Variants in INSR observed in about 807,000 individuals in gnomAD.
The protein encoded by INSR is IR.
In INSR, 67 loss-of-function variants were observed where a neutral mutation model predicts 142.6. That is an observed-to-expected ratio of 0.47 (90% confidence interval 0.39 to 0.58). INSR has a LOEUF of 0.58. Among genes scored for constraint, INSR ranks in the 20% least tolerant of loss-of-function variants. The pLI, the probability that INSR is intolerant of heterozygous loss-of-function variation, is 0.00. For missense variants in INSR, 1,248 were observed against 1,833.2 expected, an observed-to-expected ratio of 0.68 and a Z score of 5.83; for synonymous variants, 756 against 743.1, an observed-to-expected ratio of 1.02 and a Z score of -0.28.
rs558070783 is a variant in INSR at position 7,279,633 on chromosome 19, C to T, written c.101-11737G>A. Among the ~76,000 whole-genome samples, 21 of 151,578 alleles carry T rather than the reference C, an allele frequency of 1.4e-4. No individual in the cohort carries two copies. In the East Asian group the frequency reaches 2.5e-3, roughly 18 times the overall value. On this transcript the variant is annotated intron_variant, in intron 1 of 21. Transcript: ENST00000302850. ...GGGAACAGGTACGGATGCTGGTGGACGCAGTGACAACAGGTGATATTGCAG... is the reference window on the plus strand; with the variant it reads ...GGGAACAGGTACGGATGCTGGTGGATGCAGTGACAACAGGTGATATTGCAG...
chr19:7,153,366 C>CACACA (rs879798799), intron 9 of INSR, among the ~76,000 whole-genome samples: 2 of 1,970 alleles, frequency 1.0e-3, no homozygotes, highest in East Asian at 6.7e-3. Flanking sequence ...CACCACACAC[C>CACACA]CCACACACAC....
chr19:7,275,415 T>C (rs1290682938), intron 1 of INSR, among the ~76,000 whole-genome samples: 2 of 152,270 alleles, frequency 1.3e-5, no homozygotes, highest in African/African-American at 2.4e-5. Flanking sequence ...CAGAACTGAG[T>C]ACTAATTTTT....
intron 21 of INSR, among the ~76,000 whole-genome samples, chr19:7,118,750 C>A (rs908324630): frequency 4.6e-4 from 59 of 129,180 alleles, no homozygotes; most frequent in East Asian, 9.0e-4. Flanking sequence ...ACTAAAAATA[C>A]AAAAAAAAAA....
At chr19:7,148,613 G>T (rs1238821784) in intron 11 of INSR, among the ~76,000 whole-genome samples, 2 of 150,948 alleles carry the variant, frequency 1.3e-5, no homozygotes, top group Non-Finnish European at 2.9e-5. Flanking sequence ...AAGTAGCTGG[G>T]ACTACAGGCG....
At chr19:7,268,530 TC>T (rs779125103) in intron 1 of INSR, 2 of 985,256 alleles carry the variant, frequency 2.0e-6, no homozygotes, top group Non-Finnish European at 2.4e-6. Context: ...CTCCCCATCA[TC>T]CTGCACTTCC....
intron 11 of INSR, among the ~76,000 whole-genome samples, chr19:7,143,980 G>A (rs935765919): frequency 7.2e-5 from 11 of 151,832 alleles, no homozygotes; most frequent in Non-Finnish European, 1.3e-4. Flanking sequence ...GCTTGAACCC[G>A]GGAGGCGGAG....
Position 7,116,439 on chromosome 19 carries a change from C to A in INSR, c.*617G>T, listed in dbSNP as rs542449310. 2 of 152,060 alleles carry A rather than the reference C, an allele frequency of 1.3e-5. No individual in the cohort carries two copies. The highest frequency in any genetic ancestry group is 1.3e-4 in the Admixed American group (2 of 15,200). 9.4% of individuals were successfully genotyped at this position (152,060 alleles called of 1,614,324 possible). The stretch of plus-strand genomic sequence containing the variant: ...ACACGTGCATACACACGTGAGCACA[C>A]GCCGGGACCACAGACCCTTATCCAA... On this transcript the variant is annotated 3_prime_UTR_variant, in exon 22 of 22. Transcript: ENST00000302850.
intron 2 of INSR, among the ~76,000 whole-genome samples, chr19:7,256,931 C>CTTTT (rs772500676): frequency 2.7e-4 from 30 of 109,476 alleles, no homozygotes; most frequent in Non-Finnish European, 4.2e-4. Flanking sequence ...TCTACCCTAC[C>CTTTT]TTTTTTTTTT....
intron 8 of INSR, among the ~76,000 whole-genome samples, chr19:7,164,954 T>C (rs371983614): frequency 2.0e-4 from 29 of 148,142 alleles, no homozygotes; most frequent in African/African-American, 6.4e-4. Context: ...CATGGTGAAA[T>C]CCCATCTCTA....
chr19:7,163,948 A>AAAAAAAAAAAAAAATATATATATATATAT (rs1411048837), intron 8 of INSR, among the ~76,000 whole-genome samples: 7 of 136,122 alleles, frequency 5.1e-5, no homozygotes, highest in African/African-American at 1.9e-4. Context: ...AAAAAAAAAA[A>AAAAAAAAAAAAAAATATATATATATATAT]ATTAGCTGGA....
chr19:7,135,003 G>A (rs1043554862), intron 13 of INSR, among the ~76,000 whole-genome samples: 12 of 144,134 alleles, frequency 8.3e-5, no homozygotes, highest in Non-Finnish European at 1.3e-4. Flanking sequence ...AAAAGTTTTC[G>A]ACACAGTTCC....
At chr19:7,200,883 G>A (rs11085217) in intron 2 of INSR, among the ~76,000 whole-genome samples, 80,603 of 136,668 alleles carry the variant, frequency 0.59, 23,859 homozygotes, top group Non-Finnish European at 0.65. Flanking sequence ...AAAAAAAAAG[G>A]CTGAAGAGCC....
intron 1 of INSR, among the ~76,000 whole-genome samples, chr19:7,280,666 G>A (rs1370424640): frequency 2.0e-5 from 3 of 151,176 alleles, no homozygotes; most frequent in African/African-American, 4.9e-5. Context: ...GTGATGAGCC[G>A]ATATCATGCC....
chr19:7,193,490 G>A (rs535694968), intron 2 of INSR, among the ~76,000 whole-genome samples: 6 of 151,124 alleles, frequency 4.0e-5, no homozygotes, highest in East Asian at 4.0e-4. Context: ...CCAGCCTGGC[G>A]ACAGAGTGAG....
chr19:7,239,337 G>A (rs999058786), intron 2 of INSR, among the ~76,000 whole-genome samples: 5 of 145,602 alleles, frequency 3.4e-5, no homozygotes, highest in Non-Finnish European at 3.0e-5. Context: ...AGGAGGAAGA[G>A]GTAGGAAGAC....
At chr19:7,204,444 G>T (rs568015076) in intron 2 of INSR, among the ~76,000 whole-genome samples, 7 of 152,118 alleles carry the variant, frequency 4.6e-5, no homozygotes, top group Non-Finnish European at 7.4e-5. Context: ...TCGTTTTCCC[G>T]GGGGGCCACT....
chr19:7,113,007 TC>T lies in INSR; in HGVS notation c.*4048del, dbSNP rs1275423055. On this transcript the variant is annotated 3_prime_UTR_variant, in exon 22 of 22. Coordinates refer to ENST00000302850, the MANE Select transcript of INSR (RefSeq NM_000208.4). ...TAAAATCGGCATTCCCTGTTCCCCA[TC>T]CTCAACAAAACCATTGTTTCTGAAG... 2.6e-5 allele frequency: 4 copies of T among 152,136 alleles called. No homozygotes were observed. Among genetic ancestry groups the T allele is most frequent in the Admixed American group, 6.5e-5 (1 of 15,270 alleles). 9.4% of individuals were successfully genotyped at this position (152,136 alleles called of 1,614,324 possible).
At chr19:7,248,264 G>T (rs1375895103) in intron 2 of INSR, among the ~76,000 whole-genome samples, 1 of 150,472 alleles carries the variant, frequency 6.6e-6, no homozygotes, top group Non-Finnish European at 1.5e-5. Flanking sequence ...TCCCACCTCA[G>T]TCCCCCAGGT....
chr19:7,263,986 A>G (rs1483553346), intron 2 of INSR, among the ~76,000 whole-genome samples: 2 of 152,162 alleles, frequency 1.3e-5, no homozygotes, highest in South Asian at 2.1e-4. Context: ...CCTGGCCAAC[A>G]TGGAGAAATC....
Sources: gnomAD v4.1 joint callset for allele counts (sites outside exome capture counted in the v4.1 genomes callset) on GRCh38, gnomAD v4.1.1 for gene constraint, MANE v1.5 for transcripts, NCBI Gene and HGNC (gene_info 2026-07-23, HGNC 2026-07-21) for gene names.